Variants in TTBK2 observed in about 807,000 individuals in gnomAD.
TTBK2 encodes tau tubulin kinase 2.
Under a neutral mutation model 110.8 loss-of-function variants are expected in TTBK2, and 28 were observed. That is an observed-to-expected ratio of 0.25 (90% CI 0.19 to 0.35). The LOEUF is 0.35. Among genes scored for constraint, TTBK2 ranks in the 10% least tolerant of loss-of-function variants. The pLI, the probability that TTBK2 is intolerant of heterozygous loss-of-function variation, is 1.00. For missense variants in TTBK2, 1,369 were observed against 1,500.3 expected, an observed-to-expected ratio of 0.91 and a Z score of 1.45; for synonymous variants, 532 against 527.3, an observed-to-expected ratio of 1.01 and a Z score of -0.12.
intron 3 of TTBK2, among the ~76,000 whole-genome samples, chr15:42,860,647 T>C (rs1207158650): frequency 2.7e-5 from 4 of 147,582 alleles, no homozygotes; most frequent in Non-Finnish European, 4.5e-5. Context: ...TTTCTTTTTT[T>C]TTTTTTTTTT....
At position 42,745,547 on chromosome 15, in the gene TTBK2, GT is replaced by G; in HGVS notation, c.*247del. The G allele has an allele frequency of 1.9e-6, 1 of 538,350 alleles. No individual in the cohort carries two copies. Among genetic ancestry groups the G allele is most frequent in the South Asian group, 2.2e-5 (1 of 45,882 alleles). 33.3% of individuals were successfully genotyped at this position (538,350 alleles called of 1,614,324 possible). ...AAAAAATGAGAGCTCATTTTAATGAGTTTCTCCCCCTTGGATTTTTGCTCTA... is the reference window on the plus strand; with the variant it reads ...AAAAAATGAGAGCTCATTTTAATGAGTTCTCCCCCTTGGATTTTTGCTCTA... On this transcript the variant is annotated 3_prime_UTR_variant, in exon 15 of 15. Transcript: ENST00000267890.
chr15:42,784,978 T>A (rs1890344905), intron 10 of TTBK2, among the ~76,000 whole-genome samples: 1 of 152,184 alleles, frequency 6.6e-6, no homozygotes, highest in South Asian at 2.1e-4. Flanking sequence ...TCTTGATTGA[T>A]TTAGTTGACT....
intron 3 of TTBK2, among the ~76,000 whole-genome samples, chr15:42,856,721 T>G (rs1893959189): frequency 6.6e-6 from 1 of 152,046 alleles, no homozygotes. Context: ...ATTTTTTTTA[T>G]GAAAAAAGAA....
At chr15:42,793,139 C>T (rs1025491901) in intron 10 of TTBK2, among the ~76,000 whole-genome samples, 3 of 152,170 alleles carry the variant, frequency 2.0e-5, no homozygotes, top group African/African-American at 7.2e-5. Flanking sequence ...GGATCCCAAA[C>T]TCTGATAAGC....
chr15:42,870,513 G>A (rs535311240), intron 3 of TTBK2, among the ~76,000 whole-genome samples: 12 of 151,882 alleles, frequency 7.9e-5, no homozygotes, highest in Non-Finnish European at 1.6e-4. Context: ...TCTATTAAAA[G>A]GAACAAAATT....
chr15:42,758,249 T>C (rs758582211), intron 13 of TTBK2, among the ~76,000 whole-genome samples: 4 of 152,268 alleles, frequency 2.6e-5, no homozygotes, highest in South Asian at 4.1e-4. Flanking sequence ...CATAGAATAA[T>C]GTATTGGTAC....
intron 3 of TTBK2, among the ~76,000 whole-genome samples, chr15:42,848,493 CTT>C (rs773939473): frequency 3.5e-5 from 5 of 143,672 alleles, no homozygotes; most frequent in African/African-American, 2.5e-5. Context: ...TATACATATA[CTT>C]TTTTTTTTTT....
At chr15:42,883,407 A>G (rs1895124848) in intron 1 of TTBK2, among the ~76,000 whole-genome samples, 1 of 151,644 alleles carries the variant, frequency 6.6e-6, no homozygotes, top group South Asian at 2.1e-4. Flanking sequence ...GTAGAATGGT[A>G]AAGGGACTCA....
chr15:42,880,566 GTTTATT>G (rs1895000596), intron 1 of TTBK2, among the ~76,000 whole-genome samples: 1 of 151,940 alleles, frequency 6.6e-6, no homozygotes, highest in African/African-American at 2.4e-5. Flanking sequence ...TTGTTTGTTT[GTTTATT>G]TTTAATAGAC....
At chr15:42,919,265 C>A (rs192516774) in intron 1 of TTBK2, among the ~76,000 whole-genome samples, 14 of 134,422 alleles carry the variant, frequency 1.0e-4, no homozygotes, top group African/African-American at 3.9e-4. Flanking sequence ...TATTTGTCAT[C>A]ATTACTGCTT....
chr15:42,746,219 T>A lies in TTBK2; in HGVS notation c.3311A>T (p.Asp1104Val). ...GGCCAGGCGGGAGAAAAGGTCTGAG[T>A]CGGAGTTACTACTCCCTAGGACTTT... The part of the protein sequence containing the change: ...RYKVLGSSNS[D>V]SDLFSRLAQI... The change falls in exon 15 of 15, where the codon GAC becomes GTC. Residue 1104 changes from aspartate (D) to valine (V), a missense_variant. By Grantham distance (152) the Asp-to-Val change is radical. Transcript: ENST00000267890. 6.2e-7 allele frequency: 1 copy of A among 1,614,142 alleles called. No homozygotes were observed. Among genetic ancestry groups the A allele is most frequent in the Non-Finnish European group, 8.5e-7 (1 of 1,180,018 alleles).
intron 6 of TTBK2, among the ~76,000 whole-genome samples, chr15:42,822,106 T>C (rs58745709): frequency 0.4 from 60,667 of 152,064 alleles, 14,222 homozygotes; most frequent in African/African-American, 0.65. Flanking sequence ...AAATCTTTAG[T>C]CCATTTTTAT....
chr15:42,841,606 A>G (rs1177618690), intron 3 of TTBK2, among the ~76,000 whole-genome samples: 1 of 152,210 alleles, frequency 6.6e-6, no homozygotes, highest in African/African-American at 2.4e-5. Flanking sequence ...AGATTTTAAG[A>G]TAAAGAATAA....
At position 42,845,917 on chromosome 15, in the gene TTBK2, C is replaced by A. The variant is rs181929033; in HGVS notation, c.218-5484G>T. 4.7e-3 allele frequency among the ~76,000 whole-genome samples: 716 copies of A among 152,044 alleles called. 13 individuals carry two copies. Among genetic ancestry groups the A allele is most frequent in the African/African-American group, 0.016 (684 of 41,482 alleles). On this transcript the variant is annotated intron_variant, in intron 3 of 14. Transcript: ENST00000267890. ...TATTGCATACTATAGACAGTTATAC[C>A]ACAACGGTTAAGTATTTATGTACCT...
chr15:42,873,556 C>A lies in TTBK2; in HGVS notation c.70-798G>T, dbSNP rs187636177. ...CAGAGAACTCTAGTACCAAACTATCCCAGAATTCACTATACATCTATTTAT... is the reference window on the plus strand; with the variant it reads ...CAGAGAACTCTAGTACCAAACTATCACAGAATTCACTATACATCTATTTAT... On this transcript the variant is annotated intron_variant, in intron 2 of 14. Coordinates refer to ENST00000267890, the MANE Select transcript of TTBK2 (RefSeq NM_173500.4). Among the ~76,000 whole-genome samples the A allele has an allele frequency of 2.4e-4, 37 of 152,128 alleles. No homozygotes were observed. In the East Asian group the frequency reaches 6.8e-3, roughly 28 times the overall value.
At chr15:42,801,805 G>A in intron 9 of TTBK2, 1 of 834,266 alleles carries the variant, frequency 1.2e-6, no homozygotes. Flanking sequence ...GTTCATGTAA[G>A]CTTCATCTAC....
chr15:42,897,489 C>G (rs910682735), intron 1 of TTBK2, among the ~76,000 whole-genome samples: 5 of 152,108 alleles, frequency 3.3e-5, no homozygotes, highest in South Asian at 2.1e-4. Context: ...AAGTCATGCT[C>G]CCTAGCCTTT....
intron 3 of TTBK2, among the ~76,000 whole-genome samples, chr15:42,860,927 G>A (rs1894133537): frequency 1.3e-5 from 2 of 151,962 alleles, no homozygotes; most frequent in Admixed American, 1.3e-4. Context: ...GGGATTACAG[G>A]GATGAGCCAC....
At chr15:42,814,108 G>A (rs1369262384) in intron 7 of TTBK2, among the ~76,000 whole-genome samples, 6 of 151,606 alleles carry the variant, frequency 4.0e-5, no homozygotes, top group Admixed American at 1.3e-4. Flanking sequence ...TGCAACCTCC[G>A]CCTCCCAGGT....
Sources: gnomAD v4.1 joint callset for allele counts (sites outside exome capture counted in the v4.1 genomes callset) on GRCh38, gnomAD v4.1.1 for gene constraint, MANE v1.5 for transcripts, NCBI Gene and HGNC (gene_info 2026-07-23, HGNC 2026-07-21) for gene names.